DDX39B: variants seen among roughly 807,000 people sequenced by gnomAD.
DDX39B encodes the protein DExD-box helicase 39B.
A neutral mutation model predicts 46.4 loss-of-function variants in DDX39B; 6 were observed. The observed-to-expected ratio is 0.13, with a 90% confidence interval of 0.07 to 0.26. The LOEUF is 0.26. Ranked by LOEUF, DDX39B falls within the 10% of genes least tolerant of loss-of-function variation. DDX39B has a pLI of 1.00. For missense variants in DDX39B, 185 were observed against 553.4 expected (o/e 0.33, Z 6.68); for synonymous variants, 174 against 199.4 (o/e 0.87, Z 1.07).
At chr6:31,533,528 T>G (rs757653375) in intron 6 of DDX39B, 1 of 154,728 alleles carries the variant, frequency 6.5e-6, no homozygotes, top group Admixed American at 6.3e-5. Context: ...CACAACAGGA[T>G]AGTTTTAGAT....
chr6:31,541,936 A>C lies in DDX39B; in HGVS notation c.-133+14T>G. 1 of 649,226 alleles carries C rather than the reference A, an allele frequency of 1.5e-6. No individual in the cohort carries two copies. The highest frequency in any genetic ancestry group is 2.8e-6 in the Non-Finnish European group (1 of 352,408). The allele number at this position is 649,226 out of a possible 1,614,324, so 40.2% of individuals were successfully genotyped here. ...CGCAGATGGAAACGGATTGTAGCGA[A>C]GGCCAAAGCTTACCTAAACAGGGAG... On this transcript the variant is annotated intron_variant, in intron 1 of 10. Coordinates refer to ENST00000396172, the MANE Select transcript of DDX39B (RefSeq NM_004640.7).
Position 31,530,602 on chromosome 6 carries a change from CA to C in DDX39B, c.1271-153del, listed in dbSNP as rs3215391. 1,023,546 of 1,289,194 alleles carry C rather than the reference CA, an allele frequency of 0.79. 407,752 individuals carry two copies. The highest frequency in any genetic ancestry group is 0.87 in the African/African-American group (58,436 of 67,114). 79.9% of individuals were successfully genotyped at this position (1,289,194 alleles called of 1,614,324 possible). On this transcript the variant is annotated intron_variant, in intron 10 of 10. Transcript: ENST00000396172. This position sits in a 1 kb window ranked among gnomAD's most constrained non-coding sequence, Gnocchi z 4.5. ...AGGGATGTAATATGATGAGAGAAGA[CA>C]AGACACCCCACATAAAGGTCAGAAA...
intron 4 of DDX39B, among the ~76,000 whole-genome samples, chr6:31,538,036 A>T (rs946232791): frequency 2.0e-5 from 3 of 152,220 alleles, no homozygotes; most frequent in African/African-American, 4.8e-5. Context: ...ACTCCATCTC[A>T]AAACAAATAA....
At position 31,532,792 on chromosome 6, in the gene DDX39B, A is replaced by C; in HGVS notation, c.855T>G (p.Leu285=). ...NRKLFDLLDV[L]EFNQVVIFVK... is the part of the protein sequence containing the mutation. ...ACGTCTAACTGACCTGGTTGAACTC[A>C]AGGACATCCAGAAGGTCAAAGAGCT... Residue 285 remains leucine (L), a synonymous_variant, in exon 7 of 11, where the codon CTT becomes CTG. Transcript: ENST00000396172. 1 of 1,610,556 alleles carries C rather than the reference A, an allele frequency of 6.2e-7. No homozygotes were observed. Among genetic ancestry groups the C allele is most frequent in the South Asian group, 1.1e-5 (1 of 90,968 alleles).
Position 31,540,462 on chromosome 6 carries a change from C to T in DDX39B, c.71G>A (p.Gly24Glu), listed in dbSNP as rs989941493. ...EDDEVETAAG[G>E]DGAEAPAKKD... ...CTTGGCAGGGGCCTCAGCCCCATCT[C>T]CCCCAGCTGCTGTCTCCACCTCATC... The change falls in exon 2 of 11, where the codon GGA (glycine) becomes GAA (glutamate). Residue 24 changes from glycine (G) to glutamate (E), a missense_variant. Coordinates refer to ENST00000396172, the MANE Select transcript of DDX39B (RefSeq NM_004640.7). The T allele has an allele frequency of 1.2e-6, 2 of 1,614,054 alleles. No individual in the cohort carries two copies. The highest frequency in any genetic ancestry group is 2.7e-5 in the African/African-American group (2 of 74,918).
chr6:31,540,356 G>A lies in DDX39B; in HGVS notation c.177C>T (p.Ala59=). The part of the protein sequence containing the change: ...DFLLKPELLR[A]IVDCGFEHPS... ...GATGCTCAAAGCCACAGTCGACAAT[G>A]GCCCGGAGCAACTCTGGCTTGAGCA... The change falls in exon 2 of 11, where the codon GCC becomes GCT. Residue 59 remains alanine (A), a synonymous_variant. Transcript: ENST00000396172. 1 of 1,614,232 alleles carries A rather than the reference G, an allele frequency of 6.2e-7. No individual in the cohort carries two copies. The highest frequency in any genetic ancestry group is 1.1e-5 in the South Asian group (1 of 91,088).
rs764051136 is a variant in DDX39B at position 31,530,486 on chromosome 6, T to C, written c.1271-36A>G. ...AACGTAGCATGGTCAGAATAAGGCA[T>C]GAAAAGGGGAAAGTGAGGCAGGAAC... is the stretch of plus-strand genomic sequence containing the variant. On this transcript the variant is annotated intron_variant, in intron 10 of 10. Coordinates refer to ENST00000396172, the MANE Select transcript of DDX39B (RefSeq NM_004640.7). The surrounding 1 kb of genome is among the most constrained non-coding windows in gnomAD (Gnocchi z 4.5). 43 of 1,612,140 alleles carry C rather than the reference T, an allele frequency of 2.7e-5. No individual in the cohort carries two copies. The Middle Eastern group carries it at 1.7e-3, about 62-fold the overall frequency.
Position 31,531,098 on chromosome 6 carries a change from A to G in DDX39B, c.1077T>C (p.Ala359=), listed in dbSNP as rs1767109161. ...RGMDIERVNI[A]FNYDMPEDSD... ...AATCCTCAGGCATGTCATAATTAAA[A>G]GCAATGTTCACCCGCTCGATGTCCA... The change falls in exon 9 of 11, where the codon GCT becomes GCC. Residue 359 remains alanine, a synonymous_variant. Coordinates refer to ENST00000396172, the MANE Select transcript of DDX39B (RefSeq NM_004640.7). The surrounding 1 kb of genome is among the most constrained non-coding windows in gnomAD (Gnocchi z 5.8). 1 of 1,614,232 alleles carries G rather than the reference A, an allele frequency of 6.2e-7. No individual in the cohort carries two copies. The highest frequency in any genetic ancestry group is 1.7e-5 in the Admixed American group (1 of 60,022).
intron 1 of DDX39B, 169 bp from the exon 2 acceptor site, chr6:31,540,833 T>G: frequency 2.1e-6 from 1 of 481,616 alleles, no homozygotes; most frequent in Non-Finnish European, 3.7e-6. Flanking sequence ...GAAAAAGCAG[T>G]ACCAGGGAAA....
At chr6:31,539,457 C>T (rs1332428884) in intron 2 of DDX39B, among the ~76,000 whole-genome samples, 183 bp from the exon 3 acceptor site, 4 of 152,168 alleles carry the variant, frequency 2.6e-5, no homozygotes, top group Non-Finnish European at 5.9e-5. Flanking sequence ...CAAAATCAGA[C>T]TCTCCTAATT....
Position 31,535,520 on chromosome 6 carries a change from T to A in DDX39B, c.617-35A>T. On this transcript the variant is annotated intron_variant, in intron 5 of 10. Transcript: ENST00000396172. The surrounding 1 kb of genome is among the most constrained non-coding windows in gnomAD (Gnocchi z 4.6). ...CAAGGAAAAAAATTGTAGGAGAAAA[T>A]AAGCAGGTATGATAAACAAAGATTA... is the stretch of plus-strand genomic sequence containing the variant. 1 of 1,552,624 alleles carries A rather than the reference T, an allele frequency of 6.4e-7. No individual in the cohort carries two copies. Among genetic ancestry groups the A allele is most frequent in the Non-Finnish European group, 8.9e-7 (1 of 1,126,966 alleles).
At position 31,532,769 on chromosome 6, in the gene DDX39B, G is replaced by A. The variant is rs372042920; in HGVS notation, c.867+11C>T. 110 of 1,609,988 alleles carry A rather than the reference G, an allele frequency of 6.8e-5. No individual in the cohort carries two copies. The African/African-American group carries it at 9.1e-4, about 13-fold the overall frequency. ...TCCAATGCTCATCCCCCTACTGGAC[G>A]TCTAACTGACCTGGTTGAACTCAAG... On this transcript the variant is annotated intron_variant, in intron 7 of 10. Coordinates refer to ENST00000396172, the MANE Select transcript of DDX39B (RefSeq NM_004640.7).
rs760295570 is a variant in DDX39B at position 31,540,350 on chromosome 6, G to A, written c.183C>T (p.Val61=). 9.3e-6 allele frequency: 15 copies of A among 1,614,038 alleles called. No individual in the cohort carries two copies. The highest frequency in any genetic ancestry group is 6.7e-5 in the African/African-American group (5 of 74,920). ...LLKPELLRAI[V]DCGFEHPSEV... ...CTGACGGATGCTCAAAGCCACAGTCGACAATGGCCCGGAGCAACTCTGGCT... is the reference window on the plus strand; with the variant it reads ...CTGACGGATGCTCAAAGCCACAGTCAACAATGGCCCGGAGCAACTCTGGCT... The change falls in exon 2 of 11, where the codon GTC becomes GTT. Residue 61 remains valine (V), a synonymous_variant. Transcript: ENST00000396172.
intron 1 of DDX39B, chr6:31,541,030 C>A (rs1193500668): frequency 4.0e-6 from 2 of 505,448 alleles, no homozygotes; most frequent in Non-Finnish European, 8.1e-6. Context: ...CAAGTAGAGT[C>A]CTGAAAAGTC....
Position 31,535,001 on chromosome 6 carries a change from A to G in DDX39B, c.735+366T>C. On this transcript the variant is annotated intron_variant, in intron 6 of 10. Coordinates refer to ENST00000396172, the MANE Select transcript of DDX39B (RefSeq NM_004640.7). This position sits in a 1 kb window ranked among gnomAD's most constrained non-coding sequence, Gnocchi z 4.6. Reference sequence around the variant, plus strand: ...AGGCTCCAGCTGTACGCTCGATGCCACCTTGAGGGTGCGTGGCTGTAGGGT... The same window carrying G: ...AGGCTCCAGCTGTACGCTCGATGCCGCCTTGAGGGTGCGTGGCTGTAGGGT... 1 of 316,370 alleles carries G rather than the reference A, an allele frequency of 3.2e-6. No homozygotes were observed. Among genetic ancestry groups the G allele is most frequent in the Non-Finnish European group, 6.1e-6 (1 of 163,792 alleles). 19.6% of individuals were successfully genotyped at this position (316,370 alleles called of 1,614,324 possible). A position where few individuals can be genotyped will look rare whatever the true frequency, so the allele number is the denominator to read the frequency against.
At chr6:31,532,606 A>C in intron 7 of DDX39B, 174 bp downstream of exon 7, 1 of 750,584 alleles carries the variant, frequency 1.3e-6, no homozygotes, top group Non-Finnish European at 2.1e-6. Flanking sequence ...CCAGCCATAG[A>C]ATAGAAAAGC....
Position 31,540,562 on chromosome 6 carries a change from GGGATCTGGAT to G in DDX39B, c.-40_-31del. 1 of 1,611,864 alleles carries G rather than the reference GGGATCTGGAT, an allele frequency of 6.2e-7. No individual in the cohort carries two copies. The highest frequency in any genetic ancestry group is 8.5e-7 in the Non-Finnish European group (1 of 1,178,838). On this transcript the variant is annotated 5_prime_UTR_variant, in exon 2 of 11. Transcript: ENST00000396172. ...GGGCCGGCAGGGGAAGAAGGGAAGGGGGATCTGGATGGGTTCTCGCAAAATAGGTGAAAAC... is the reference window on the plus strand; with the variant it reads ...GGGCCGGCAGGGGAAGAAGGGAAGGGGGGTTCTCGCAAAATAGGTGAAAAC...
intron 2 of DDX39B, 119 bp from the exon 3 acceptor site, chr6:31,539,393 T>C: frequency 6.9e-7 from 1 of 1,444,026 alleles, no homozygotes; most frequent in Non-Finnish European, 9.3e-7. Context: ...ATTTACCTGG[T>C]TCTTGCCAAC....
At chr6:31,539,048 G>C (rs1562422398) in intron 3 of DDX39B, 99 bp downstream of exon 3, 24 of 1,600,888 alleles carry the variant, frequency 1.5e-5, no homozygotes, top group Non-Finnish European at 2.1e-5. Flanking sequence ...CAGAGGTCAT[G>C]TGCTCATGGC....
Sources: allele counts gnomAD v4.1 joint callset (sites outside exome capture counted in the v4.1 genomes callset), GRCh38; gene constraint gnomAD v4.1.1; non-coding constraint Gnocchi (gnomAD v3.1); transcripts MANE v1.5; gene names NCBI Gene and HGNC (gene_info 2026-07-23, HGNC 2026-07-21).